The following CHRNA7 variants were observed in gnomAD, a reference collection of about 807,000 sequenced individuals.
The protein encoded by CHRNA7 is neuronal acetylcholine receptor subunit alpha-7.
Under a neutral mutation model 48.0 loss-of-function variants are expected in CHRNA7, and 17 were observed. The observed-to-expected ratio is 0.35, with a 90% CI of 0.24 to 0.53. CHRNA7 has a LOEUF of 0.53. Ranked by LOEUF, CHRNA7 falls within the 20% of genes least tolerant of loss-of-function variation. The pLI is 0.92. For missense variants in CHRNA7, 155 were observed against 577.7 expected, an observed-to-expected ratio of 0.27 and a Z score of 7.50; for synonymous variants, 75 against 242.3, an observed-to-expected ratio of 0.31 and a Z score of 6.41.
At chr15:32,137,044 AAAGAAAAAAAAAAG>A (rs1331425984) in intron 4 of CHRNA7, among the ~76,000 whole-genome samples, 7 of 147,884 alleles carry the variant, frequency 4.7e-5, no homozygotes, top group Non-Finnish European at 9.0e-5. Context: ...AAAAAAAAAA[AAAGAAAAAAAAAAG>A]AAAACAGGAG....
chr15:32,133,035 T>C (rs530667894), intron 4 of CHRNA7, among the ~76,000 whole-genome samples: 1 of 152,310 alleles, frequency 6.6e-6, no homozygotes, highest in South Asian at 2.1e-4. Flanking sequence ...GGCTGGCTGT[T>C]TGCCCAGTCA....
chr15:32,146,712 T>C (rs2051495990), intron 4 of CHRNA7, among the ~76,000 whole-genome samples: 1 of 152,230 alleles, frequency 6.6e-6, no homozygotes, highest in African/African-American at 2.4e-5. Context: ...CGTTTATGCC[T>C]GGGAAAACTC....
At chr15:32,077,255 A>G (rs541102374) in intron 2 of CHRNA7, among the ~76,000 whole-genome samples, 2 of 152,256 alleles carry the variant, frequency 1.3e-5, no homozygotes, top group South Asian at 2.1e-4. Flanking sequence ...GCTTCTATAA[A>G]CATCTGTGTA....
intron 2 of CHRNA7, among the ~76,000 whole-genome samples, chr15:32,084,746 A>G (rs773108193): frequency 1.3e-5 from 2 of 152,006 alleles, no homozygotes; most frequent in Non-Finnish European, 2.9e-5. Flanking sequence ...TGCTCATGCT[A>G]GTGCATTAGA....
chr15:32,118,491 A>T (rs941059855), intron 4 of CHRNA7, among the ~76,000 whole-genome samples: 4 of 152,060 alleles, frequency 2.6e-5, no homozygotes, highest in African/African-American at 7.2e-5. Flanking sequence ...TTTCTAAATC[A>T]TGTGTTGTGG....
chr15:32,114,038 A>ATATG (rs2050813185), intron 4 of CHRNA7, among the ~76,000 whole-genome samples: 1 of 82,340 alleles, frequency 1.2e-5, no homozygotes, highest in Non-Finnish European at 2.2e-5. Flanking sequence ...ATATATATAT[A>ATATG]TATATGTATA....
chr15:32,047,818 A>G (rs891433978), intron 2 of CHRNA7, among the ~76,000 whole-genome samples: 8 of 152,198 alleles, frequency 5.3e-5, no homozygotes, highest in Non-Finnish European at 7.3e-5. Context: ...TGTCATAGAT[A>G]GCTCTTATTA....
At chr15:32,152,570 AG>A (rs2051653684) in intron 4 of CHRNA7, among the ~76,000 whole-genome samples, 2 of 152,128 alleles carry the variant, frequency 1.3e-5, no homozygotes, top group South Asian at 4.1e-4. Flanking sequence ...GAAGGAAGGG[AG>A]GAGCAGGGCA....
chr15:32,052,534 T>C (rs899518229), intron 2 of CHRNA7, among the ~76,000 whole-genome samples: 3 of 152,072 alleles, frequency 2.0e-5, no homozygotes, highest in Admixed American at 6.5e-5. Context: ...ATTGAGACCA[T>C]CTTGGCCAAC....
intron 2 of CHRNA7, among the ~76,000 whole-genome samples, chr15:32,073,937 A>G (rs144547506): frequency 2.2e-4 from 34 of 152,200 alleles, no homozygotes; most frequent in African/African-American, 7.2e-4. Context: ...CTTTTTACCA[A>G]TGCAAAAGGG....
intron 4 of CHRNA7, among the ~76,000 whole-genome samples, chr15:32,114,097 CACATAT>C (rs2050824962): frequency 1.6e-5 from 2 of 127,048 alleles, no homozygotes; most frequent in Non-Finnish European, 3.6e-5. Context: ...CATACACACA[CACATAT>C]ACACACACAC....
intron 2 of CHRNA7, among the ~76,000 whole-genome samples, chr15:32,098,435 C>T (rs2050510066): frequency 6.6e-6 from 1 of 151,630 alleles, no homozygotes; most frequent in Non-Finnish European, 1.5e-5. Flanking sequence ...CTGCCAGAGT[C>T]CCACAGAACC....
intron 2 of CHRNA7, among the ~76,000 whole-genome samples, chr15:32,046,404 T>C (rs971743961): frequency 6.7e-6 from 1 of 148,410 alleles, no homozygotes; most frequent in African/African-American, 2.6e-5. Context: ...TTGATTTGCA[T>C]TTCTCTGATG....
At chr15:32,114,044 GTATATATATATATATACATATATATATA>G (rs1158464538) in intron 4 of CHRNA7, among the ~76,000 whole-genome samples, 1 of 63,606 alleles carries the variant, frequency 1.6e-5, no homozygotes, top group Non-Finnish European at 3.0e-5. Flanking sequence ...ATATATATAT[GTATATATATATATATACATATATATATA>G]TATACACATA....
Position 32,085,402 on chromosome 15 carries a change from T to G in CHRNA7, c.196-15901T>G, listed in dbSNP as rs140991850. 1.4e-4 allele frequency among the ~76,000 whole-genome samples: 22 copies of G among 152,346 alleles called. No homozygotes were observed. The East Asian group carries it at 4.0e-3, about 28-fold the overall frequency. On this transcript the variant is annotated intron_variant, in intron 2 of 9. Coordinates refer to ENST00000306901, the MANE Select transcript of CHRNA7 (RefSeq NM_000746.6). ...TTTTCTGTATCTTTATCCTTATGCA[T>G]ACAAAGAAACTTAGCACCATATTCC...
chr15:32,152,696 G>C (rs1217376850), intron 4 of CHRNA7, among the ~76,000 whole-genome samples: 1 of 152,176 alleles, frequency 6.6e-6, no homozygotes, highest in African/African-American at 2.4e-5. Flanking sequence ...CAGGACTGGT[G>C]TCAACCCCAG....
intron 2 of CHRNA7, among the ~76,000 whole-genome samples, chr15:32,084,251 A>G (rs541012389): frequency 2.0e-5 from 3 of 152,348 alleles, no homozygotes; most frequent in Admixed American, 2.0e-4. Flanking sequence ...TGACAGCAAT[A>G]TGAACTAAGA....
At chr15:32,115,868 C>T (rs911628961) in intron 4 of CHRNA7, among the ~76,000 whole-genome samples, 2 of 152,112 alleles carry the variant, frequency 1.3e-5, no homozygotes, top group African/African-American at 4.8e-5. Context: ...CGGCTAAGAA[C>T]AGCCAGAGAA....
chr15:32,152,904 C>CTG (rs35351450), intron 4 of CHRNA7, among the ~76,000 whole-genome samples: 15,062 of 151,868 alleles, frequency 0.099, 901 homozygotes, highest in East Asian at 0.14. Flanking sequence ...GCTGTTGGGG[C>CTG]TGTGTGTGTG....
Sources: gnomAD v4.1 joint callset for allele counts (sites outside exome capture counted in the v4.1 genomes callset) on GRCh38, gnomAD v4.1.1 for gene constraint, MANE v1.5 for transcripts, NCBI Gene and HGNC (gene_info 2026-07-23, HGNC 2026-07-21) for gene names.